Variants in DDI2 observed in about 807,000 individuals in gnomAD.
DDI2 encodes DDI proteasomal shuttling factor 2.
A neutral mutation model predicts 48.1 loss-of-function variants in DDI2; 5 were observed. The observed-to-expected ratio is 0.10, with a 90% CI of 0.05 to 0.22. The LOEUF (loss-of-function observed/expected upper bound fraction) is 0.22, where lower values mean the gene tolerates loss of function less well. Ranked by LOEUF, DDI2 falls within the 10% of genes least tolerant of loss-of-function variation. The probability of loss-of-function intolerance (pLI) is 1.00; values close to 1 mark genes in which losing one functional copy is unlikely to be tolerated. For synonymous variants in DDI2, 205 were observed against 183.6 expected (o/e 1.12, Z -0.94); for missense variants, 285 against 506.2 (o/e 0.56, Z 4.19).
At chr1:15,640,821 GAGTA>G (rs1168048663) in intron 5 of DDI2, among the ~76,000 whole-genome samples, 1 of 152,144 alleles carries the variant, frequency 6.6e-6, no homozygotes, top group African/African-American at 2.4e-5. Context: ...GGGTACCTGT[GAGTA>G]ATATGAGCAG....
rs529866498 is a variant in DDI2 at position 15,649,483 on chromosome 1, C to T, written c.890-237C>T. Among the ~76,000 whole-genome samples, 10 of 152,230 alleles carry T rather than the reference C, an allele frequency of 6.6e-5. No homozygotes were observed. The South Asian group carries it at 1.7e-3, about 25-fold the overall frequency. On this transcript the variant is annotated intron_variant, in intron 6 of 9. Transcript: ENST00000480945. ...GCCAAGAGTTTGAGACCAGCCTGAC[C>T]GACATGGCAAAACCCCGTCTCTACT...
intron 5 of DDI2, among the ~76,000 whole-genome samples, chr1:15,641,356 C>T (rs1640004652): frequency 6.6e-6 from 1 of 151,864 alleles, no homozygotes; most frequent in Non-Finnish European, 1.5e-5. Flanking sequence ...CCTGTAATCC[C>T]AGCTACTTAG....
intron 7 of DDI2, among the ~76,000 whole-genome samples, chr1:15,650,602 G>A (rs921996695): frequency 6.6e-5 from 10 of 152,092 alleles, no homozygotes; most frequent in Non-Finnish European, 1.5e-5. Context: ...ACAAAAATTA[G>A]CTAGGCGTGG....
intron 7 of DDI2, among the ~76,000 whole-genome samples, chr1:15,650,630 G>A (rs1004696791): frequency 1.2e-4 from 19 of 152,112 alleles, no homozygotes; most frequent in Non-Finnish European, 1.6e-4. Flanking sequence ...TTAGCTACTC[G>A]TGAGGCTGAG....
At chr1:15,632,104 C>T (rs1489745884) in intron 3 of DDI2, among the ~76,000 whole-genome samples, 3 of 152,094 alleles carry the variant, frequency 2.0e-5, no homozygotes, top group East Asian at 3.8e-4. Flanking sequence ...ACTCCCAGCT[C>T]GTGTTAGGCT....
chr1:15,641,634 GAGCCAGGCTGATCACTATGGTTAGA>G lies in DDI2; in HGVS notation c.761-1885_761-1861del, dbSNP rs572628133. Among the ~76,000 whole-genome samples, 7 of 152,048 alleles carry G rather than the reference GAGCCAGGCTGATCACTATGGTTAGA, an allele frequency of 4.6e-5. No homozygotes were observed. In the South Asian group the frequency reaches 1.5e-3, roughly 32 times the overall value. On this transcript the variant is annotated intron_variant, in intron 5 of 9. Coordinates refer to ENST00000480945, the MANE Select transcript of DDI2 (RefSeq NM_032341.5). The stretch of plus-strand genomic sequence containing the variant: ...TCCTTTTGCAAGGGAATGGCAGTGT[GAGCCAGGCTGATCACTATGGTTAGA>G]AGAAAGAGCATCAGGACAGGCACAG...
chr1:15,659,769 C>T (rs1640330506), intron 9 of DDI2, 68 bp from the exon 10 acceptor site: 2 of 1,443,356 alleles, frequency 1.4e-6, no homozygotes, highest in Non-Finnish European at 1.8e-6. Context: ...GATTTGTATC[C>T]TCTGGTAATT....
chr1:15,651,924 C>G, intron 8 of DDI2, 29 bp downstream of exon 8: 2 of 1,599,958 alleles, frequency 1.3e-6, no homozygotes, highest in Non-Finnish European at 1.7e-6. Context: ...CTCTTCAATA[C>G]TTGTTATTGA....
chr1:15,633,333 C>G, intron 3 of DDI2, 106 bp from the exon 4 acceptor site: 2 of 1,338,012 alleles, frequency 1.5e-6, no homozygotes, highest in Non-Finnish European at 2.1e-6. Flanking sequence ...GGCATCCTCT[C>G]TGCATCTCTT....
At chr1:15,648,580 A>G (rs548591653) in intron 6 of DDI2, among the ~76,000 whole-genome samples, 1 of 152,354 alleles carries the variant, frequency 6.6e-6, no homozygotes, top group South Asian at 2.1e-4. Context: ...AGGACTATCT[A>G]GAAGATATGA....
intron 2 of DDI2, among the ~76,000 whole-genome samples, chr1:15,629,717 C>G (rs1639813115): frequency 6.6e-6 from 1 of 150,706 alleles, no homozygotes; most frequent in Non-Finnish European, 1.5e-5. Flanking sequence ...TTTATTGAAA[C>G]TAGCTTTAAT....
chr1:15,658,471 A>G (rs1640304891), intron 9 of DDI2, among the ~76,000 whole-genome samples: 1 of 143,634 alleles, frequency 7.0e-6, no homozygotes, highest in Non-Finnish European at 1.5e-5. Context: ...TTAATTAAAG[A>G]TCTTACAATG....
rs552562065 is a variant in DDI2 at position 15,657,801 on chromosome 1, G to A, written c.*46+1122G>A. The stretch of plus-strand genomic sequence containing the variant: ...ACTAATAACTGTTAGACATCTGGTG[G>A]TATGAAAATAAAAAAACTAATAACT... On this transcript the variant is annotated intron_variant, in intron 9 of 9. Coordinates refer to ENST00000480945, the MANE Select transcript of DDI2 (RefSeq NM_032341.5). Among the ~76,000 whole-genome samples the A allele has an allele frequency of 9.2e-5, 14 of 152,258 alleles. No individual in the cohort carries two copies. In the South Asian group the frequency reaches 2.5e-3, roughly 27 times the overall value.
Position 15,664,569 on chromosome 1 carries a change from G to A in DDI2, c.*4779G>A, listed in dbSNP as rs1640424255. 6.6e-6 allele frequency: 1 copy of A among 152,072 alleles called. No homozygotes were observed. The highest frequency in any genetic ancestry group is 2.1e-4 in the South Asian group (1 of 4,826). 9.4% of individuals were successfully genotyped at this position (152,072 alleles called of 1,614,324 possible). A position where few individuals can be genotyped will look rare whatever the true frequency, so the allele number is the denominator to read the frequency against. ...ATCGTCAGCTTTTATTCAATTAAGA[G>A]CTCCAGAAATGCAGAAATTATGGGT... On this transcript the variant is annotated 3_prime_UTR_variant, in exon 10 of 10. Coordinates refer to ENST00000480945, the MANE Select transcript of DDI2 (RefSeq NM_032341.5).
In DDI2 at chr1:15,664,434, C is replaced by CAAAA. The variant is rs566819484; in HGVS notation, c.*4658_*4661dup. The stretch of plus-strand genomic sequence containing the variant: ...CGGCAGAGTGAGACTCTGTCTCACC[C>CAAAA]AAAAAAAAAAAAAAAAAGCTATTGA... On this transcript the variant is annotated 3_prime_UTR_variant, in exon 10 of 10. Coordinates refer to ENST00000480945, the MANE Select transcript of DDI2 (RefSeq NM_032341.5). 2.5e-5 allele frequency: 2 copies of CAAAA among 81,176 alleles called. No individual in the cohort carries two copies. Among genetic ancestry groups the CAAAA allele is most frequent in the African/African-American group, 3.9e-5 (1 of 25,596 alleles). 5.0% of individuals were successfully genotyped at this position (81,176 alleles called of 1,614,324 possible). A position where few individuals can be genotyped will look rare whatever the true frequency, so the allele number is the denominator to read the frequency against.
At position 15,661,443 on chromosome 1, in the gene DDI2, T is replaced by G. The variant is rs1211222851; in HGVS notation, c.*1653T>G. 1 of 1,614,078 alleles carries G rather than the reference T, an allele frequency of 6.2e-7. No homozygotes were observed. Among genetic ancestry groups the G allele is most frequent in the Non-Finnish European group, 8.5e-7 (1 of 1,180,010 alleles). ...ATTTCATATTGGTTAAAGACTTAGG[T>G]CAGGGCATACAGAATTCAGTAACAG... is the stretch of plus-strand genomic sequence containing the variant. On this transcript the variant is annotated 3_prime_UTR_variant, in exon 10 of 10. Transcript: ENST00000480945.
Position 15,660,343 on chromosome 1 carries a change from C to T in DDI2, c.*553C>T. 1 of 1,614,134 alleles carries T rather than the reference C, an allele frequency of 6.2e-7. No individual in the cohort carries two copies. Among genetic ancestry groups the T allele is most frequent in the Non-Finnish European group, 8.5e-7 (1 of 1,180,022 alleles). ...GGATTGGCATCCAGAAAATCAGAAC[C>T]TGAGTCAAGTGAGTGACCCTCAGCA... On this transcript the variant is annotated 3_prime_UTR_variant, in exon 10 of 10. Coordinates refer to ENST00000480945, the MANE Select transcript of DDI2 (RefSeq NM_032341.5).
chr1:15,618,149 T>C (rs1459829589), intron 1 of DDI2, among the ~76,000 whole-genome samples: 1 of 152,088 alleles, frequency 6.6e-6, no homozygotes, highest in African/African-American at 2.4e-5. Flanking sequence ...GTGTAGGATA[T>C]CGTTGTGGAC....
At chr1:15,644,811 T>A (rs1303567656) in intron 6 of DDI2, among the ~76,000 whole-genome samples, 1 of 152,020 alleles carries the variant, frequency 6.6e-6, no homozygotes, top group African/African-American at 2.4e-5. Flanking sequence ...GCCAGGGTGG[T>A]CTCCATCTCC....
Sources: gnomAD v4.1 joint callset for allele counts (sites outside exome capture counted in the v4.1 genomes callset) on GRCh38, gnomAD v4.1.1 for gene constraint, MANE v1.5 for transcripts, NCBI Gene and HGNC (gene_info 2026-07-23, HGNC 2026-07-21) for gene names.